The following HDGF variants were observed in gnomAD, a reference collection of about 807,000 sequenced individuals.
HDGF encodes heparin binding growth factor, also known as hepatoma-derived growth factor.
HDGF carries 5 observed loss-of-function variants against 30.0 expected under a neutral mutation model. The observed-to-expected ratio is 0.17, with a 90% CI of 0.09 to 0.35. HDGF has a LOEUF of 0.35. Among genes scored for constraint, HDGF ranks in the 10% least tolerant of loss-of-function variants. HDGF has a pLI of 1.00. For missense variants in HDGF, 214 were observed against 302.8 expected, an observed-to-expected ratio of 0.71 and a Z score of 2.18; for synonymous variants, 133 against 112.7, an observed-to-expected ratio of 1.18 and a Z score of -1.14.
In HDGF at chr1:156,744,298, A is replaced by C; in HGVS notation, c.354T>G (p.Ala118=). 1.2e-6 allele frequency: 2 copies of C among 1,614,116 alleles called. No individual in the cohort carries two copies. The highest frequency in any genetic ancestry group is 1.7e-6 in the Non-Finnish European group (2 of 1,180,022). ...CCTTCTTATCACCGTCACCCTCTGCAGCTTCGGGCTCTGGTTCAGGCTCTT... is the reference window on the plus strand; with the variant it reads ...CCTTCTTATCACCGTCACCCTCTGCCGCTTCGGGCTCTGGTTCAGGCTCTT... The part of the protein sequence containing the change: ...CVEEPEPEPE[A]AEGDGDKKGN... The change falls in exon 4 of 6, where the codon GCT becomes GCG. Residue 118 remains alanine, a synonymous_variant. Transcript: ENST00000357325.
chr1:156,744,691 T>A, intron 3 of HDGF: 3 of 518,508 alleles, frequency 5.8e-6, no homozygotes, highest in Non-Finnish European at 6.1e-6. Flanking sequence ...CACCTCCTCC[T>A]GGAAGCCTTT....
At chr1:156,748,231 A>G (rs145471655) in intron 1 of HDGF, among the ~76,000 whole-genome samples, 1 of 152,316 alleles carries the variant, frequency 6.6e-6, no homozygotes, top group Non-Finnish European at 1.5e-5. Context: ...AAGAGGAGAA[A>G]TCCCTTCTAC....
upstream of HDGF, chr1:156,752,056 G>A: frequency 6.4e-7 from 1 of 1,551,500 alleles, no homozygotes; most frequent in Non-Finnish European, 8.7e-7. Flanking sequence ...CCCCAGCGCA[G>A]TTAAGTGTGG....
At chr1:156,746,157 C>A (rs1411183555) in intron 1 of HDGF, among the ~76,000 whole-genome samples, 1 of 152,236 alleles carries the variant, frequency 6.6e-6, no homozygotes, top group Non-Finnish European at 1.5e-5. Context: ...AAAACTCTTT[C>A]CTAAGACTTC....
At chr1:156,744,408 C>T (rs932346063) in intron 3 of HDGF, 60 bp from the exon 4 acceptor site, 11 of 1,599,350 alleles carry the variant, frequency 6.9e-6, no homozygotes, top group Admixed American at 1.7e-5. Flanking sequence ...GGCCCCCTCC[C>T]CAGACCCTCC....
chr1:156,751,770 C>T (rs182638095), upstream of HDGF: 2,944 of 1,191,096 alleles, frequency 2.5e-3, 67 homozygotes, highest in African/African-American at 0.045. This position sits in a 1 kb window ranked among gnomAD's most constrained non-coding sequence, Gnocchi z 4.7. Context: ...CCCACTCCTC[C>T]TCCTCCCCCC....
chr1:156,748,895 G>T (rs974692378), intron 1 of HDGF, among the ~76,000 whole-genome samples: 4 of 152,234 alleles, frequency 2.6e-5, no homozygotes, highest in East Asian at 1.9e-4. Flanking sequence ...GGTACAGGGG[G>T]AAGGGGCACC....
intron 1 of HDGF, among the ~76,000 whole-genome samples, chr1:156,746,005 G>A (rs1025571639): frequency 6.6e-6 from 1 of 152,198 alleles, no homozygotes; most frequent in Non-Finnish European, 1.5e-5. Context: ...GCCTCTCCCA[G>A]TACACTGTCT....
chr1:156,765,472 CTTTTTTTT>C (rs71080793), intron 1 of HDGF, among the ~76,000 whole-genome samples: 1,240 of 86,006 alleles, frequency 0.014, 23 homozygotes, highest in African/African-American at 0.055. Flanking sequence ...TTCTTTCTTT[CTTTTTTTT>C]TTTTTTTTTT....
In HDGF at chr1:156,751,515, C is replaced by A; in HGVS notation, c.-86G>T. The A allele has an allele frequency of 2.7e-6, 3 of 1,092,820 alleles. No homozygotes were observed. The highest frequency in any genetic ancestry group is 2.2e-6 in the Non-Finnish European group (2 of 895,242). The allele number at this position is 1,092,820 out of a possible 1,614,324, so 67.7% of individuals were successfully genotyped here. A position where few individuals can be genotyped will look rare whatever the true frequency, so the allele number is the denominator to read the frequency against. On this transcript the variant is annotated 5_prime_UTR_variant, in exon 1 of 6. Coordinates refer to ENST00000357325, the MANE Select transcript of HDGF (RefSeq NM_004494.3). This position sits in a 1 kb window ranked among gnomAD's most constrained non-coding sequence, Gnocchi z 4.7. Reference sequence around the variant, plus strand: ...GCGTGCGGCGGTGGCGGCGCCGCTCCGCTCCGGCCCTCGCGCGGCCCCCGC... The same window carrying A: ...GCGTGCGGCGGTGGCGGCGCCGCTCAGCTCCGGCCCTCGCGCGGCCCCCGC...
At position 156,745,635 on chromosome 1, in the gene HDGF, C is replaced by G. The variant is rs12040421; in HGVS notation, c.88-262G>C. 1.2e-3 allele frequency among the ~76,000 whole-genome samples: 185 copies of G among 152,142 alleles called. 1 individual carries two copies. The highest frequency in any genetic ancestry group is 4.4e-3 in the Admixed American group (67 of 15,290). On this transcript the variant is annotated intron_variant, in intron 1 of 5. Coordinates refer to ENST00000357325, the MANE Select transcript of HDGF (RefSeq NM_004494.3). ...CATTCTGCCTCCCAACATGTCTGGC[C>G]ACAAAGCCCCCTGACTTTGCCATCA...
chr1:156,752,128 C>T (rs1651025161), upstream of HDGF: 2 of 1,551,372 alleles, frequency 1.3e-6, no homozygotes, highest in Non-Finnish European at 1.7e-6. Context: ...ATTTACTGGG[C>T]ACCCGCGGTT....
Position 156,745,188 on chromosome 1 carries a change from C to T in HDGF, c.165-42G>A, listed in dbSNP as rs1156233313. 1.2e-5 allele frequency: 19 copies of T among 1,613,436 alleles called. No individual in the cohort carries two copies. In the East Asian group the frequency reaches 4.0e-4, roughly 34 times the overall value. Reference sequence around the variant, plus strand: ...GACTGTGCTCTCAAGCCCCTCACTGCCCCTGAGCTGCACAGCCCGGCATGA... The same window carrying T: ...GACTGTGCTCTCAAGCCCCTCACTGTCCCTGAGCTGCACAGCCCGGCATGA... On this transcript the variant is annotated intron_variant, in intron 2 of 5. Transcript: ENST00000357325.
rs372428849 is a variant in HDGF, at chr1:156,744,169, C to T, written c.483G>A (p.Leu161=). Reference sequence around the variant, plus strand: ...CTGGGCAGGCAGCAGTTACCTCCAGCAAGTCCCCTGCTCTCCTCTTCAACG... The same window carrying T: ...CTGGGCAGGCAGCAGTTACCTCCAGTAAGTCCCCTGCTCTCCTCTTCAACG... ...KGALKRRAGD[L]LEDSPKRPKE... The change falls in exon 4 of 6, where the codon TTG becomes TTA. Residue 161 remains leucine (L), a synonymous_variant. Coordinates refer to ENST00000357325, the MANE Select transcript of HDGF (RefSeq NM_004494.3). 43 of 1,613,860 alleles carry T rather than the reference C, an allele frequency of 2.7e-5. 1 individual carries two copies. The highest frequency in any genetic ancestry group is 3.3e-5 in the Non-Finnish European group (39 of 1,179,912).
intron 1 of HDGF, among the ~76,000 whole-genome samples, chr1:156,764,722 T>TA (rs1651320947): frequency 6.6e-6 from 1 of 151,686 alleles, no homozygotes; most frequent in African/African-American, 2.4e-5. Flanking sequence ...CCGTCTCTAC[T>TA]AAAAAATACA....
chr1:156,754,821 G>A (rs1430745413), upstream of HDGF, among the ~76,000 whole-genome samples: 2 of 152,162 alleles, frequency 1.3e-5, no homozygotes, highest in African/African-American at 2.4e-5. Flanking sequence ...TGTGGCAGGC[G>A]CCTGTAATCC....
At chr1:156,756,793 CTTTTTT>C, upstream of HDGF, among the ~76,000 whole-genome samples, 1 of 122,444 alleles carries the variant, frequency 8.2e-6, no homozygotes. Flanking sequence ...AAAAGGTGGT[CTTTTTT>C]TTTTTTTTTT....
upstream of HDGF, among the ~76,000 whole-genome samples, chr1:156,757,216 A>C (rs1360356030): frequency 6.6e-6 from 1 of 151,930 alleles, no homozygotes; most frequent in Non-Finnish European, 1.5e-5. Flanking sequence ...CTGTAATCCC[A>C]GCACTTTGGG....
Position 156,751,304 on chromosome 1 carries a change from C to A in HDGF, c.87+39G>T. On this transcript the variant is annotated intron_variant, in intron 1 of 5. Coordinates refer to ENST00000357325, the MANE Select transcript of HDGF (RefSeq NM_004494.3). This position sits in a 1 kb window ranked among gnomAD's most constrained non-coding sequence, Gnocchi z 4.7. ...CCTTCCCGGTGTTATGCAACCCAAG[C>A]CCGCAGGGGGTTAGGGGGCGGCGGG... The A allele has an allele frequency of 6.3e-7, 1 of 1,591,852 alleles. No homozygotes were observed. The highest frequency in any genetic ancestry group is 8.6e-7 in the Non-Finnish European group (1 of 1,168,096).
Sources: gnomAD v4.1 joint callset for allele counts (sites outside exome capture counted in the v4.1 genomes callset) on GRCh38, gnomAD v4.1.1 for gene constraint, Gnocchi (gnomAD v3.1) non-coding constraint, MANE v1.5 for transcripts, NCBI Gene and HGNC (gene_info 2026-07-23, HGNC 2026-07-21) for gene names.